Variants in MYH13 observed in about 807,000 individuals in gnomAD.
MYH13 encodes the protein myosin-13.
Under a neutral mutation model 232.1 loss-of-function variants are expected in MYH13, and 177 were observed. The ratio of observed to expected loss-of-function variants is 0.76; its 90% CI spans 0.67 to 0.86. The LOEUF (loss-of-function observed/expected upper bound fraction) is 0.86, where lower values mean the gene tolerates loss of function less well. MYH13 is among the 40% of genes least tolerant of loss of function. The pLI, the probability that MYH13 is intolerant of heterozygous loss-of-function variation, is 0.00. For synonymous variants in MYH13, 884 were observed against 923.5 expected, an observed-to-expected ratio of 0.96 and a Z score of 0.78; for missense variants, 2,246 against 2,405.9, an observed-to-expected ratio of 0.93 and a Z score of 1.39.
At chr17:10,302,241 T>A (rs1051758508) in intron 39 of MYH13, among the ~76,000 whole-genome samples, 3 of 152,064 alleles carry the variant, frequency 2.0e-5, no homozygotes, top group African/African-American at 7.2e-5. Flanking sequence ...CAAATCTGCT[T>A]CCCTGAGGTC....
chr17:10,321,119 A>T (rs559243093), intron 24 of MYH13, among the ~76,000 whole-genome samples: 1 of 152,188 alleles, frequency 6.6e-6, no homozygotes, highest in Non-Finnish European at 1.5e-5. Flanking sequence ...CAGAAATAGT[A>T]ATTTTCATGG....
Position 10,364,418 on chromosome 17 carries a change from C to T in MYH13, c.113G>A (p.Cys38Tyr). 6.2e-7 allele frequency: 1 copy of T among 1,613,806 alleles called. No individual in the cohort carries two copies. The highest frequency in any genetic ancestry group is 1.1e-5 in the South Asian group (1 of 90,992). ...CATTTCCTTATTATCCGCTACAAAG[C>T]AGGCTTTCTTGGAATCGAATGGACG... The part of the protein sequence containing the change: ...QNRPFDSKKA[C>Y]FVADNKEMYV... Residue 38 changes from cysteine (C) to tyrosine (Y), a missense_variant, in exon 3 of 41, where the codon TGC becomes TAC. By Grantham distance (194) the Cys-to-Tyr change is radical. Coordinates refer to ENST00000252172, the MANE Select transcript of MYH13 (RefSeq NM_003802.3).
At chr17:10,364,766 T>A (rs541929669) in intron 2 of MYH13, among the ~76,000 whole-genome samples, 5 of 152,150 alleles carry the variant, frequency 3.3e-5, no homozygotes, top group East Asian at 3.9e-4. Flanking sequence ...TTTTTTTTTT[T>A]ATCCTCTGAG....
chr17:10,305,976 A>C (rs1906266623), intron 37 of MYH13, among the ~76,000 whole-genome samples: 1 of 152,174 alleles, frequency 6.6e-6, no homozygotes, highest in Non-Finnish European at 1.5e-5. Context: ...TGGGGAGGGA[A>C]GGAAACCTGA....
At chr17:10,347,033 C>T (rs1199170397) in intron 12 of MYH13, among the ~76,000 whole-genome samples, 3 of 152,114 alleles carry the variant, frequency 2.0e-5, no homozygotes, top group Admixed American at 6.5e-5. Flanking sequence ...TAAGATACTC[C>T]GTGGCCAATT....
At chr17:10,324,530 C>G (rs35350378) in intron 22 of MYH13, among the ~76,000 whole-genome samples, 1 of 152,160 alleles carries the variant, frequency 6.6e-6, no homozygotes, top group Non-Finnish European at 1.5e-5. Context: ...ACTGCAACCT[C>G]TGCCTCCCAG....
intron 22 of MYH13, among the ~76,000 whole-genome samples, chr17:10,327,195 G>T (rs1907244433): frequency 6.7e-6 from 1 of 148,376 alleles, no homozygotes; most frequent in Non-Finnish European, 1.5e-5. Flanking sequence ...TAGAGACGGG[G>T]TTTCACCGTT....
rs919807102 is a variant in MYH13, at chr17:10,364,493, G to T, written c.38C>A (p.Ala13Glu). 6.2e-7 allele frequency: 1 copy of T among 1,608,046 alleles called. No homozygotes were observed. The highest frequency in any genetic ancestry group is 1.3e-5 in the African/African-American group (1 of 74,872). Reference protein sequence around the residue: ...SDAEMAIFGEAAPYLRKPEKE... With the variant: ...SDAEMAIFGEEAPYLRKPEKE... The stretch of plus-strand genomic sequence containing the variant: ...CTCTGGTTTCCGGAGGTAGGGAGCT[G>T]CTTCTCCAAAAATGGCCATTTCTGC... The change falls in exon 3 of 41, where the codon GCA (alanine) becomes GAA (glutamate). Residue 13 changes from alanine to glutamate, a missense_variant. Coordinates refer to ENST00000252172, the MANE Select transcript of MYH13 (RefSeq NM_003802.3).
rs777507404 is a variant in MYH13, at chr17:10,364,327, C to A, written c.204G>T (p.Arg68=). 1 of 1,612,272 alleles carries A rather than the reference C, an allele frequency of 6.2e-7. No individual in the cohort carries two copies. Among genetic ancestry groups the A allele is most frequent in the Non-Finnish European group, 8.5e-7 (1 of 1,178,572 alleles). ...AAAGACATCTGTAATCAACACTCAC[C>A]CGGTCATCGAGGGTCTTGACTATGA... is the stretch of plus-strand genomic sequence containing the variant. ...DKVIVKTLDD[R]MLTLNNDQVF... The change falls in exon 3 of 41, where the codon CGG becomes CGT. Residue 68 remains arginine (R), a splice_region_variant and synonymous_variant. Coordinates refer to ENST00000252172, the MANE Select transcript of MYH13 (RefSeq NM_003802.3).
rs138500879 is a variant in MYH13, at chr17:10,318,814, G to T, written c.3714C>A (p.Asn1238Lys). The T allele has an allele frequency of 1.2e-6, 2 of 1,613,940 alleles. No homozygotes were observed. The highest frequency in any genetic ancestry group is 2.7e-5 in the African/African-American group (2 of 74,910). Residue 1238 changes from asparagine (N) to lysine (K), a missense_variant, in exon 27 of 41, where the codon AAC becomes AAA. Coordinates refer to ENST00000252172, the MANE Select transcript of MYH13 (RefSeq NM_003802.3). Reference protein sequence around the residue: ...LKMEIDDMASNIEALSKSKSN... With the variant: ...LKMEIDDMASKIEALSKSKSN... ...CCTTTGACTTGGAGAGAGCCTCGAT[G>T]TTGCTGGCCATGTCGTCAATCTCCA...
At position 10,321,637 on chromosome 17, in the gene MYH13, A is replaced by C; in HGVS notation, c.3006T>G (p.Ser1002=). 6.2e-7 allele frequency: 1 copy of C among 1,613,702 alleles called. No homozygotes were observed. The highest frequency in any genetic ancestry group is 8.5e-7 in the Non-Finnish European group (1 of 1,179,692). ...NISKLTKEKK[S]LQEAHQQTLD... Reference sequence around the variant, plus strand: ...GTGTTTGCTGATGGGCCTCCTGTAGAGATTTCTTTTCTTTGGTCAATTTGG... The same window carrying C: ...GTGTTTGCTGATGGGCCTCCTGTAGCGATTTCTTTTCTTTGGTCAATTTGG... The change falls in exon 24 of 41, where the codon TCT becomes TCG. Residue 1002 remains serine, a synonymous_variant. Transcript: ENST00000252172.
chr17:10,316,088 C>T (rs1334473242), intron 27 of MYH13, 63 bp from the exon 28 acceptor site: 1 of 1,569,800 alleles, frequency 6.4e-7, no homozygotes, highest in Admixed American at 1.7e-5. Flanking sequence ...CAGCATTGAA[C>T]TGAACAGTGT....
rs752690078 is a variant in MYH13 at position 10,311,218 on chromosome 17, G to T, written c.4541C>A (p.Ser1514Tyr). The change falls in exon 33 of 41, where the codon TCC becomes TAC. Residue 1514 changes from serine to tyrosine, a missense_variant. By Grantham distance (144) the Ser-to-Tyr change is moderately radical. Transcript: ENST00000252172. ...TTCTGCAATCTGCTCAGTTAAGTCG[G>T]AAATCTCTTCTGCAAAGGACAGGCT... Reference protein sequence around the residue: ...RENKNLQEEISDLTEQIAETG... With the variant: ...RENKNLQEEIYDLTEQIAETG... The T allele has an allele frequency of 6.2e-7, 1 of 1,613,980 alleles. No homozygotes were observed.
At chr17:10,367,156 G>A (rs778123931) in intron 2 of MYH13, among the ~76,000 whole-genome samples, 10 of 152,110 alleles carry the variant, frequency 6.6e-5, no homozygotes, top group Non-Finnish European at 1.5e-4. Context: ...CTACAGCAGC[G>A]GTTCTCAAAC....
chr17:10,323,778 A>AGAAGAAG (rs557516417), intron 23 of MYH13, among the ~76,000 whole-genome samples: 15 of 87,592 alleles, frequency 1.7e-4, no homozygotes, highest in South Asian at 4.6e-4. Context: ...AAAAAAAAAA[A>AGAAGAAG]AAAAAAAAAA....
In MYH13 at chr17:10,362,394, T is replaced by C. The variant is rs1374691581; in HGVS notation, c.314A>G (p.Asn105Ser). Residue 105 changes from asparagine to serine, a missense_variant, in exon 4 of 41, where the codon AAC (asparagine) becomes AGC (serine). Physicochemically the swap from Asn to Ser is conservative, Grantham distance 46. Coordinates refer to ENST00000252172, the MANE Select transcript of MYH13 (RefSeq NM_003802.3). ...THLHEPAVLY[N>S]LKERYAAWMI... ...CCAGGCTGCATAGCGCTCTTTGAGG[T>C]TGTACAGAACAGCAGGTTCATGCAG... 6.2e-7 allele frequency: 1 copy of C among 1,614,012 alleles called. No individual in the cohort carries two copies. The highest frequency in any genetic ancestry group is 8.5e-7 in the Non-Finnish European group (1 of 1,180,024).
chr17:10,322,795 G>A (rs545759450), intron 23 of MYH13, among the ~76,000 whole-genome samples: 45 of 151,938 alleles, frequency 3.0e-4, no homozygotes, highest in African/African-American at 4.1e-4. Flanking sequence ...CACCACGCCC[G>A]GCTAATTTTT....
intron 7 of MYH13, among the ~76,000 whole-genome samples, chr17:10,358,877 G>A (rs995778278): frequency 6.6e-6 from 1 of 152,228 alleles, no homozygotes; most frequent in Non-Finnish European, 1.5e-5. Flanking sequence ...TGATTCTGAT[G>A]TGTACTCCAG....
In MYH13 at chr17:10,345,631, A is replaced by G; in HGVS notation, c.1264-15T>C. The G allele has an allele frequency of 1.2e-6, 2 of 1,614,120 alleles. No individual in the cohort carries two copies. Among genetic ancestry groups the G allele is most frequent in the Non-Finnish European group, 1.7e-6 (2 of 1,180,026 alleles). On this transcript the variant is annotated splice_polypyrimidine_tract_variant and intron_variant, in intron 13 of 40. Coordinates refer to ENST00000252172, the MANE Select transcript of MYH13 (RefSeq NM_003802.3). The stretch of plus-strand genomic sequence containing the variant: ...GAATTGGTCACCTTGAAAAAGGATC[A>G]CCCACTCAACCCTTGAGTTAGTGTT...
Sources: allele counts gnomAD v4.1 joint callset (sites outside exome capture counted in the v4.1 genomes callset), GRCh38; gene constraint gnomAD v4.1.1; transcripts MANE v1.5; gene names NCBI Gene and HGNC (gene_info 2026-07-23, HGNC 2026-07-21).